The following CCDC81 variants were observed in gnomAD, a reference collection of about 807,000 sequenced individuals.
CCDC81 encodes coiled-coil domain containing 81.
A neutral mutation model predicts 83.7 loss-of-function variants in CCDC81; 79 were observed. The ratio of observed to expected loss-of-function variants is 0.94; its 90% CI spans 0.79 to 1.14. The LOEUF (loss-of-function observed/expected upper bound fraction) is 1.14, where lower values mean the gene tolerates loss of function less well. Among genes scored for constraint, CCDC81 ranks in the 50% most tolerant of loss-of-function variants. The pLI, the probability that CCDC81 is intolerant of heterozygous loss-of-function variation, is 0.00. For synonymous variants in CCDC81, 252 were observed against 278.1 expected (o/e 0.91, Z 0.93); for missense variants, 791 against 778.1 (o/e 1.02, Z -0.20).
At chr11:86,392,880 C>G (rs879298653) in intron 4 of CCDC81, 83 bp downstream of exon 4, 2 of 1,416,090 alleles carry the variant, frequency 1.4e-6, no homozygotes, top group African/African-American at 2.9e-5. Flanking sequence ...TTAAGAAAAA[C>G]GAAGGTTGAC....
chr11:86,407,564 T>C (rs1204423250), intron 7 of CCDC81, 50 bp from the exon 8 acceptor site: 1 of 1,254,696 alleles, frequency 8.0e-7, no homozygotes, highest in African/African-American at 1.5e-5. Context: ...ATTATTGCCC[T>C]TGAGGTCAGA....
At chr11:86,415,063 T>A (rs1214517976) in intron 12 of CCDC81, 30 bp from the exon 13 acceptor site, 17 of 1,605,006 alleles carry the variant, frequency 1.1e-5, no homozygotes, top group Non-Finnish European at 1.5e-5. Flanking sequence ...GGTAGAATGA[T>A]AACCTGCATT....
chr11:86,392,821 T>G (rs1948351996), intron 4 of CCDC81, 24 bp downstream of exon 4: 3 of 1,540,002 alleles, frequency 1.9e-6, no homozygotes, highest in Non-Finnish European at 2.6e-6. Flanking sequence ...TTCCTTCTCC[T>G]AAGTCTTCTC....
Position 86,387,496 on chromosome 11 carries a change from G to C in CCDC81, c.142-20G>C, listed in dbSNP as rs1206384647. ...TCACTCCTTCAATGAATTCTGTTTTGTTTTGTTTTTTCCTTTCAGGGGGTT... is the reference window on the plus strand; with the variant it reads ...TCACTCCTTCAATGAATTCTGTTTTCTTTTGTTTTTTCCTTTCAGGGGGTT... On this transcript the variant is annotated intron_variant, in intron 2 of 14. Coordinates refer to ENST00000445632, the MANE Select transcript of CCDC81 (RefSeq NM_001156474.2). The C allele has an allele frequency of 6.2e-7, 1 of 1,611,264 alleles. No individual in the cohort carries two copies. Among genetic ancestry groups the C allele is most frequent in the Admixed American group, 1.7e-5 (1 of 59,646 alleles).
rs1168864937 is a variant in CCDC81, at chr11:86,415,300, A to G, written c.1678A>G (p.Arg560Gly). 3.1e-6 allele frequency: 5 copies of G among 1,613,688 alleles called. No individual in the cohort carries two copies. The Admixed American group carries it at 6.7e-5, about 22-fold the overall frequency. ...GAGGCGGGATTTGCAAATGCTTCAG[A>G]GGACACAAAGAGAGTAAGGAGACCC... ...DQRRDLQMLQ[R>G]TQREHLADRT... Residue 560 changes from arginine (R) to glycine (G), a missense_variant, in exon 13 of 15, where the codon AGG becomes GGG. Coordinates refer to ENST00000445632, the MANE Select transcript of CCDC81 (RefSeq NM_001156474.2).
At position 86,400,664 on chromosome 11, in the gene CCDC81, T is replaced by C. The variant is rs1166908178; in HGVS notation, c.758-14T>C. 6.3e-7 allele frequency: 1 copy of C among 1,581,988 alleles called. No individual in the cohort carries two copies. Among genetic ancestry groups the C allele is most frequent in the Non-Finnish European group, 8.6e-7 (1 of 1,157,084 alleles). On this transcript the variant is annotated splice_polypyrimidine_tract_variant and intron_variant, in intron 6 of 14. Transcript: ENST00000445632. The stretch of plus-strand genomic sequence containing the variant: ...TGAAAGGAGACTCGTTTTCATTCAT[T>C]CTTTATTCTACAGATATCTCATCAC...
rs959434558 is a variant in CCDC81, at chr11:86,422,591, T to G, written c.1835T>G (p.Phe612Cys). The G allele has an allele frequency of 3.1e-6, 5 of 1,613,630 alleles. No individual in the cohort carries two copies. The African/African-American group carries it at 6.7e-5, about 22-fold the overall frequency. Residue 612 changes from phenylalanine (F) to cysteine (C), a missense_variant, in exon 15 of 15, where the codon TTT (phenylalanine) becomes TGT (cysteine). Phe to Cys is a radical substitution (Grantham distance 205, BLOSUM62 -2). Coordinates refer to ENST00000445632, the MANE Select transcript of CCDC81 (RefSeq NM_001156474.2). Reference sequence around the variant, plus strand: ...CTCCTCAGGGCTTCAGACAAGCTGTTTCTCCTAGACCAGTGTGAGAAGTAT... The same window carrying G: ...CTCCTCAGGGCTTCAGACAAGCTGTGTCTCCTAGACCAGTGTGAGAAGTAT... ...KAFERASDKL[F>C]LLDQCEKYRR... is the part of the protein sequence containing the mutation.
Position 86,387,511 on chromosome 11 carries a change from T to C in CCDC81, c.142-5T>C. On this transcript the variant is annotated splice_region_variant and splice_polypyrimidine_tract_variant and intron_variant, in intron 2 of 14. Transcript: ENST00000445632. ...ATTCTGTTTTGTTTTGTTTTTTCCTTTCAGGGGGTTCAGATTCCAGCATTT... is the reference window on the plus strand; with the variant it reads ...ATTCTGTTTTGTTTTGTTTTTTCCTCTCAGGGGGTTCAGATTCCAGCATTT... 6.2e-7 allele frequency: 1 copy of C among 1,613,674 alleles called. No individual in the cohort carries two copies. Among genetic ancestry groups the C allele is most frequent in the Non-Finnish European group, 8.5e-7 (1 of 1,179,844 alleles).
chr11:86,389,524 G>A (rs1206531909), intron 3 of CCDC81, among the ~76,000 whole-genome samples: 2 of 152,166 alleles, frequency 1.3e-5, no homozygotes, highest in Non-Finnish European at 2.9e-5. Context: ...GGGGAAGCAA[G>A]CACATCTTAC....
At chr11:86,410,281 C>T (rs987974312) in intron 10 of CCDC81, among the ~76,000 whole-genome samples, 2 of 152,148 alleles carry the variant, frequency 1.3e-5, no homozygotes, top group Non-Finnish European at 2.9e-5. Flanking sequence ...ATTTATTCAT[C>T]ATCAAACATT....
chr11:86,414,986 C>T (rs1433509527), intron 12 of CCDC81, 107 bp from the exon 13 acceptor site: 9 of 1,425,738 alleles, frequency 6.3e-6, no homozygotes, highest in Admixed American at 3.9e-5. Flanking sequence ...TTTTGTGCCC[C>T]GCATTCCTTC....
chr11:86,381,227 C>A (rs1244453259), intron 1 of CCDC81, among the ~76,000 whole-genome samples: 2 of 152,154 alleles, frequency 1.3e-5, no homozygotes, highest in Non-Finnish European at 2.9e-5. Flanking sequence ...GGTCATTTTC[C>A]TTCTCTCAGG....
In CCDC81 at chr11:86,400,691, C is replaced by G; in HGVS notation, c.771C>G (p.Pro257=). Residue 257 remains proline (P), a synonymous_variant, in exon 7 of 15, where the codon CCC becomes CCG. Transcript: ENST00000445632. ...KEEGTRDISS[P]KRLRDRQALF... is the part of the protein sequence containing the mutation. ...TTTATTCTACAGATATCTCATCACCCAAAAGACTTCGAGATAGACAAGCTT... is the reference window on the plus strand; with the variant it reads ...TTTATTCTACAGATATCTCATCACCGAAAAGACTTCGAGATAGACAAGCTT... 6.2e-7 allele frequency: 1 copy of G among 1,609,848 alleles called. No homozygotes were observed. The highest frequency in any genetic ancestry group is 2.2e-5 in the East Asian group (1 of 44,766).
At chr11:86,375,280 T>C (rs1204295160) in intron 1 of CCDC81, 38 bp downstream of exon 1, 1 of 1,553,544 alleles carries the variant, frequency 6.4e-7, no homozygotes, top group Admixed American at 1.7e-5. Context: ...CCCTGGGGAT[T>C]GAATCTTCAT....
chr11:86,408,668 C>T (rs1281016372), intron 9 of CCDC81, among the ~76,000 whole-genome samples: 10 of 152,072 alleles, frequency 6.6e-5, no homozygotes, highest in Non-Finnish European at 7.4e-5. Flanking sequence ...AAAAATGTTC[C>T]ATCATATGTC....
intron 8 of CCDC81, 52 bp downstream of exon 8, chr11:86,407,753 G>T (rs766072051): frequency 1.5e-6 from 2 of 1,373,188 alleles, no homozygotes; most frequent in Admixed American, 3.6e-5. Context: ...ACTGATTTTT[G>T]TTTCTCAAAG....
At position 86,422,777 on chromosome 11, in the gene CCDC81, G is replaced by A. The variant is rs191770704; in HGVS notation, c.*62G>A. The A allele has an allele frequency of 1.7e-5, 26 of 1,515,028 alleles. No homozygotes were observed. The highest frequency in any genetic ancestry group is 2.3e-5 in the Non-Finnish European group (26 of 1,111,164). The allele number at this position is 1,515,028 out of a possible 1,614,324, so 93.8% of individuals were successfully genotyped here. ...TTTTATCTTTTACATGTTTGGGGGT[G>A]ATTGTGAAACTGCGTATTTTTACCT... is the stretch of plus-strand genomic sequence containing the variant. On this transcript the variant is annotated 3_prime_UTR_variant, in exon 15 of 15. Coordinates refer to ENST00000445632, the MANE Select transcript of CCDC81 (RefSeq NM_001156474.2).
chr11:86,377,194 A>G (rs1482017434), intron 1 of CCDC81, among the ~76,000 whole-genome samples: 1 of 151,200 alleles, frequency 6.6e-6, no homozygotes, highest in East Asian at 1.9e-4. Context: ...TAATCTGTCC[A>G]CCCACTGAAA....
chr11:86,407,533 C>A, intron 7 of CCDC81, 81 bp from the exon 8 acceptor site: 2 of 904,778 alleles, frequency 2.2e-6, no homozygotes, highest in South Asian at 1.5e-5. Flanking sequence ...TTTTCTTCAT[C>A]TTATACTTGC....
Sources: allele counts gnomAD v4.1 joint callset (sites outside exome capture counted in the v4.1 genomes callset), GRCh38; gene constraint gnomAD v4.1.1; transcripts MANE v1.5; gene names NCBI Gene and HGNC (gene_info 2026-07-23, HGNC 2026-07-21).